GALNTL6: variants seen among roughly 807,000 people sequenced by gnomAD.
GALNTL6 encodes the protein polypeptide N-acetylgalactosaminyltransferase like 6, also known as polypeptide N-acetylgalactosaminyltransferase-like 6.
In GALNTL6, 46 loss-of-function variants were observed where a neutral mutation model predicts 73.7. That is an observed-to-expected ratio of 0.62 (90% confidence interval 0.49 to 0.80). The LOEUF is 0.80. Ranked by LOEUF, GALNTL6 falls within the 30% of genes least tolerant of loss-of-function variation. The probability of loss-of-function intolerance (pLI) is 0.00; values close to 1 mark genes in which losing one functional copy is unlikely to be tolerated. For missense variants in GALNTL6, 604 were observed against 755.0 expected, an observed-to-expected ratio of 0.80 and a Z score of 2.34; for synonymous variants, 259 against 263.7, an observed-to-expected ratio of 0.98 and a Z score of 0.17.
chr4:172,731,555 C>A (rs1219123831), intron 5 of GALNTL6, among the ~76,000 whole-genome samples: 3 of 151,912 alleles, frequency 2.0e-5, no homozygotes, highest in African/African-American at 7.2e-5. Flanking sequence ...TATTTCTGCT[C>A]TGATCTTTTA....
At chr4:171,946,761 C>T (rs10471194) in intron 2 of GALNTL6, among the ~76,000 whole-genome samples, 2,984 of 152,116 alleles carry the variant, frequency 0.02, 100 homozygotes, top group African/African-American at 0.068. Context: ...ACATTTATGG[C>T]AGGGGGAGCA....
At chr4:172,730,910 T>A (rs1459420571) in intron 5 of GALNTL6, among the ~76,000 whole-genome samples, 2 of 151,840 alleles carry the variant, frequency 1.3e-5, no homozygotes, top group Admixed American at 1.3e-4. Context: ...GAAACCTTGT[T>A]TCTACTAAAA....
At chr4:172,337,923 G>C (rs1741402628) in intron 4 of GALNTL6, among the ~76,000 whole-genome samples, 1 of 151,598 alleles carries the variant, frequency 6.6e-6, no homozygotes, top group African/African-American at 2.4e-5. Flanking sequence ...TCATAGGTTT[G>C]ATTGCTTTAC....
chr4:172,745,028 GA>G (rs1251175179), intron 5 of GALNTL6, among the ~76,000 whole-genome samples: 1 of 151,934 alleles, frequency 6.6e-6, no homozygotes, highest in African/African-American at 2.4e-5. Flanking sequence ...AGCATACTTG[GA>G]GGTGATCATT....
intron 7 of GALNTL6, among the ~76,000 whole-genome samples, chr4:172,826,993 T>C (rs1166849067): frequency 6.6e-6 from 1 of 152,204 alleles, no homozygotes; most frequent in Non-Finnish European, 1.5e-5. Flanking sequence ...AGGTGTCATC[T>C]GATGCTTTAT....
At chr4:172,789,452 T>TTA (rs1367373205) in intron 5 of GALNTL6, among the ~76,000 whole-genome samples, 1 of 152,178 alleles carries the variant, frequency 6.6e-6, no homozygotes, top group African/African-American at 2.4e-5. Flanking sequence ...ATCGTTTGTG[T>TTA]TAGTGTATTT....
At chr4:172,854,907 TAGTAGGTGGTAAAATAAC>T (rs984568317) in intron 7 of GALNTL6, among the ~76,000 whole-genome samples, 5 of 152,076 alleles carry the variant, frequency 3.3e-5, no homozygotes, top group African/African-American at 7.2e-5. Context: ...CTGCTGTAAG[TAGTAGGTGGTAAAATAAC>T]AGTAGGTGGC....
intron 12 of GALNTL6, among the ~76,000 whole-genome samples, chr4:173,032,178 T>G (rs988992129): frequency 4.9e-4 from 75 of 152,172 alleles, no homozygotes; most frequent in African/African-American, 1.3e-3. Flanking sequence ...GGCTGGGCGC[T>G]GTGGCTCACG....
chr4:172,874,234 T>A (rs1418090590), intron 7 of GALNTL6, among the ~76,000 whole-genome samples: 1 of 152,112 alleles, frequency 6.6e-6, no homozygotes, highest in Non-Finnish European at 1.5e-5. Flanking sequence ...CATTTTGATG[T>A]TGGTGTTTAT....
intron 2 of GALNTL6, among the ~76,000 whole-genome samples, chr4:172,132,650 CA>C (rs1434778691): frequency 6.6e-6 from 1 of 151,910 alleles, no homozygotes. Context: ...TAAACAAAGC[CA>C]AAAAACTCTA....
chr4:172,592,803 G>C (rs1243074637), intron 5 of GALNTL6, among the ~76,000 whole-genome samples: 1 of 151,972 alleles, frequency 6.6e-6, no homozygotes, highest in Non-Finnish European at 1.5e-5. Context: ...AAGGAGCTTT[G>C]TTTGCTATTG....
At chr4:171,883,444 C>G (rs952150270) in intron 2 of GALNTL6, among the ~76,000 whole-genome samples, 2 of 152,140 alleles carry the variant, frequency 1.3e-5, no homozygotes, top group Non-Finnish European at 2.9e-5. Flanking sequence ...CCCTGCTTGT[C>G]TCCCCATGCA....
At chr4:172,355,038 C>A (rs75000187) in intron 5 of GALNTL6, among the ~76,000 whole-genome samples, 2,886 of 151,970 alleles carry the variant, frequency 0.019, 83 homozygotes, top group African/African-American at 0.064. Context: ...TAAGCAGGTG[C>A]TCATTTTGTA....
At chr4:172,874,468 G>C (rs907860966) in intron 7 of GALNTL6, among the ~76,000 whole-genome samples, 1 of 152,170 alleles carries the variant, frequency 6.6e-6, no homozygotes, top group Non-Finnish European at 1.5e-5. Flanking sequence ...TCATGTTGGA[G>C]GACAAATGAG....
chr4:172,978,586 C>G (rs1750936450), intron 10 of GALNTL6, among the ~76,000 whole-genome samples: 1 of 152,178 alleles, frequency 6.6e-6, no homozygotes, highest in Non-Finnish European at 1.5e-5. Flanking sequence ...ACAATTCATC[C>G]CCTTATGTTA....
At chr4:171,955,762 TAC>T (rs1739024449) in intron 2 of GALNTL6, among the ~76,000 whole-genome samples, 1 of 122,232 alleles carries the variant, frequency 8.2e-6, no homozygotes, top group South Asian at 2.9e-4. Context: ...TGTGTGTGTA[TAC>T]GTGTGTGTAT....
intron 4 of GALNTL6, among the ~76,000 whole-genome samples, chr4:172,339,548 G>A (rs1233809625): frequency 2.0e-5 from 3 of 152,090 alleles, no homozygotes; most frequent in African/African-American, 7.2e-5. Context: ...CACACTGTTG[G>A]GTTGCCGAAG....
chr4:171,978,535 G>T (rs963822800), intron 2 of GALNTL6, among the ~76,000 whole-genome samples: 1 of 152,116 alleles, frequency 6.6e-6, no homozygotes, highest in African/African-American at 2.4e-5. Flanking sequence ...TGGTAGTTCA[G>T]CTGTGTGTCC....
chr4:172,759,937 C>T (rs1325736677), intron 5 of GALNTL6, among the ~76,000 whole-genome samples: 4 of 149,254 alleles, frequency 2.7e-5, no homozygotes, highest in East Asian at 2.0e-4. Context: ...CCCGGGTTCA[C>T]GCCATTCTCC....
Sources: allele counts gnomAD v4.1 joint callset (sites outside exome capture counted in the v4.1 genomes callset), GRCh38; gene constraint gnomAD v4.1.1; transcripts MANE v1.5; gene names NCBI Gene and HGNC (gene_info 2026-07-23, HGNC 2026-07-21).